Variants in MACROD2 observed in about 807,000 individuals in gnomAD.
MACROD2 encodes ADP-ribose glycohydrolase MACROD2.
MACROD2 carries 36 observed loss-of-function variants against 70.4 expected under a neutral mutation model. The observed-to-expected ratio is 0.51, with a 90% CI of 0.39 to 0.68. The LOEUF is 0.68. MACROD2 is among the 30% of genes least tolerant of loss of function. The pLI is 0.00. For missense variants in MACROD2, 496 were observed against 538.4 expected (o/e 0.92, Z 0.78); for synonymous variants, 172 against 178.8 (o/e 0.96, Z 0.30).
At chr20:15,420,413 G>A (rs374317001) in intron 6 of MACROD2, among the ~76,000 whole-genome samples, 3 of 152,142 alleles carry the variant, frequency 2.0e-5, no homozygotes, top group East Asian at 1.9e-4. Context: ...CAGTGAGTTC[G>A]CACACCACAC....
chr20:14,059,425 T>C (rs1261127790), intron 2 of MACROD2, among the ~76,000 whole-genome samples: 1 of 152,168 alleles, frequency 6.6e-6, no homozygotes, highest in Non-Finnish European at 1.5e-5. Context: ...AACTTGTTGA[T>C]GGTCAAAAAT....
At chr20:15,120,016 TAAAC>T (rs1384297511) in intron 5 of MACROD2, among the ~76,000 whole-genome samples, 1 of 152,222 alleles carries the variant, frequency 6.6e-6, no homozygotes, top group Non-Finnish European at 1.5e-5. Flanking sequence ...TGTATATAAG[TAAAC>T]AAACATATTT....
intron 8 of MACROD2, among the ~76,000 whole-genome samples, chr20:15,626,030 T>G (rs2049197714): frequency 6.6e-6 from 1 of 151,722 alleles, no homozygotes; most frequent in Non-Finnish European, 1.5e-5. Flanking sequence ...GTCACCTTAG[T>G]CCAGTGAGTG....
At chr20:14,052,220 C>G (rs2053576962) in intron 2 of MACROD2, among the ~76,000 whole-genome samples, 1 of 151,828 alleles carries the variant, frequency 6.6e-6, no homozygotes, top group Non-Finnish European at 1.5e-5. Context: ...TTTTCTGTTC[C>G]CGTACAACTT....
intron 8 of MACROD2, among the ~76,000 whole-genome samples, chr20:15,662,726 TTCTG>T (rs1195938387): frequency 1.3e-5 from 2 of 151,208 alleles, no homozygotes; most frequent in Admixed American, 6.6e-5. Flanking sequence ...TTTTTTTTTT[TTCTG>T]TCTGTTGTGG....
chr20:15,909,815 G>A (rs1161280763), intron 10 of MACROD2, among the ~76,000 whole-genome samples: 4 of 152,076 alleles, frequency 2.6e-5, no homozygotes, highest in Non-Finnish European at 2.9e-5. Flanking sequence ...GAGCCACCGC[G>A]CCCGGCCGTA....
At chr20:14,012,419 A>G (rs977777760) in intron 2 of MACROD2, among the ~76,000 whole-genome samples, 4 of 152,222 alleles carry the variant, frequency 2.6e-5, no homozygotes, top group Admixed American at 2.6e-4. Context: ...GTATGAGATT[A>G]TCAGTATGAG....
intron 3 of MACROD2, among the ~76,000 whole-genome samples, chr20:14,200,450 G>C (rs1341811162): frequency 1.3e-5 from 2 of 152,110 alleles, no homozygotes; most frequent in African/African-American, 4.8e-5. Context: ...TAATACCTGG[G>C]TGATGAAATA....
intron 5 of MACROD2, among the ~76,000 whole-genome samples, chr20:14,864,806 TATG>T (rs2073410383): frequency 6.6e-6 from 1 of 152,038 alleles, no homozygotes; most frequent in East Asian, 1.9e-4. Context: ...AAAACAGTAG[TATG>T]TTAAGAAGGT....
At chr20:15,092,641 T>A (rs765688005) in intron 5 of MACROD2, among the ~76,000 whole-genome samples, 35 of 151,922 alleles carry the variant, frequency 2.3e-4, no homozygotes, top group Non-Finnish European at 4.6e-4. Context: ...CAACTTCAAG[T>A]TTCTTGATAT....
intron 5 of MACROD2, chr20:14,893,545 A>G (rs1364027430): frequency 6.6e-6 from 1 of 152,154 alleles, no homozygotes; most frequent in Non-Finnish European, 1.5e-5. Context: ...GGAGATTAGC[A>G]TATATTATTT....
chr20:14,391,714 C>T (rs564912055), intron 3 of MACROD2, among the ~76,000 whole-genome samples: 1 of 150,170 alleles, frequency 6.7e-6, no homozygotes, highest in East Asian at 2.0e-4. Context: ...CAAATTAACC[C>T]AGAACAGAAA....
intron 15 of MACROD2, among the ~76,000 whole-genome samples, chr20:16,025,768 C>T (rs1220649245): frequency 3.3e-5 from 5 of 152,132 alleles, no homozygotes; most frequent in African/African-American, 4.8e-5. Context: ...TAAACCATGC[C>T]ATAATGCATT....
intron 3 of MACROD2, among the ~76,000 whole-genome samples, chr20:14,315,275 G>A (rs1219960650): frequency 6.6e-6 from 1 of 152,166 alleles, no homozygotes; most frequent in South Asian, 2.1e-4. Flanking sequence ...GGAGATAATG[G>A]ATATGAAATG....
intron 8 of MACROD2, among the ~76,000 whole-genome samples, chr20:15,694,717 T>G (rs117214008): frequency 0.098 from 14,904 of 152,250 alleles, 811 homozygotes; most frequent in South Asian, 0.2. Context: ...AGCTCTTTAG[T>G]ATAATTAGGT....
At chr20:14,462,852 C>T (rs374011997) in intron 3 of MACROD2, among the ~76,000 whole-genome samples, 2,058 of 151,794 alleles carry the variant, frequency 0.014, 51 homozygotes, top group African/African-American at 0.045. Flanking sequence ...TGTAGATATG[C>T]GGCATTATTT....
chr20:14,344,944 C>T lies in MACROD2; in HGVS notation c.272-148535C>T, dbSNP rs73266950. ...CAGACTTGTCACTCTTAAGTGCTCACGTGTAATCCTGTCCTCCCTTTCTTC... is the reference window on the plus strand; with the variant it reads ...CAGACTTGTCACTCTTAAGTGCTCATGTGTAATCCTGTCCTCCCTTTCTTC... On this transcript the variant is annotated intron_variant, in intron 3 of 17. Coordinates refer to ENST00000684519, the MANE Select transcript of MACROD2 (RefSeq NM_001351661.2). Among the ~76,000 whole-genome samples, 304 of 152,252 alleles carry T rather than the reference C, an allele frequency of 2.0e-3. 2 individuals carry two copies. Among genetic ancestry groups the T allele is most frequent in the African/African-American group, 6.7e-3 (279 of 41,558 alleles).
chr20:14,183,906 G>T (rs187074948), intron 3 of MACROD2, among the ~76,000 whole-genome samples: 1 of 152,048 alleles, frequency 6.6e-6, no homozygotes, highest in Admixed American at 6.6e-5. Flanking sequence ...TTGTAAATTT[G>T]TTTAAGTTCC....
In MACROD2 at chr20:14,171,603, A is replaced by G. The variant is rs550226219; in HGVS notation, c.271+85875A>G. On this transcript the variant is annotated intron_variant, in intron 3 of 17. Transcript: ENST00000684519. ...AATTTTATTGATTGTTGACTCAACAATCATTCAGGAGCAGGTTATTTAACT... is the reference window on the plus strand; with the variant it reads ...AATTTTATTGATTGTTGACTCAACAGTCATTCAGGAGCAGGTTATTTAACT... 1.1e-4 allele frequency among the ~76,000 whole-genome samples: 17 copies of G among 152,328 alleles called. 1 individual carries two copies. The highest frequency in any genetic ancestry group is 8.3e-4 in the South Asian group (4 of 4,826).
Sources: gnomAD v4.1 joint callset for allele counts (sites outside exome capture counted in the v4.1 genomes callset) on GRCh38, gnomAD v4.1.1 for gene constraint, MANE v1.5 for transcripts, NCBI Gene and HGNC (gene_info 2026-07-23, HGNC 2026-07-21) for gene names.